The following SORBS2 variants were observed in gnomAD, a reference collection of about 807,000 sequenced individuals.
SORBS2 encodes the protein sorbin and SH3 domain-containing protein 2.
SORBS2 carries 46 observed loss-of-function variants against 97.7 expected under a neutral mutation model. The ratio of observed to expected loss-of-function variants is 0.47; its 90% CI spans 0.37 to 0.60. The LOEUF (loss-of-function observed/expected upper bound fraction) is 0.60. Among genes scored for constraint, SORBS2 ranks in the 20% least tolerant of loss-of-function variants. The pLI, the probability that SORBS2 is intolerant of heterozygous loss-of-function variation, is 0.00. For synonymous variants in SORBS2, 476 were observed against 473.4 expected, an observed-to-expected ratio of 1.01 and a Z score of -0.07; for missense variants, 1,316 against 1,282.3, an observed-to-expected ratio of 1.03 and a Z score of -0.40.
chr4:185,728,637 A>T (rs1195042718), intron 2 of SORBS2, among the ~76,000 whole-genome samples: 1 of 152,210 alleles, frequency 6.6e-6, no homozygotes, highest in African/African-American at 2.4e-5. Context: ...TCATTATTTT[A>T]ATCGGAGTCG....
intron 1 of SORBS2, among the ~76,000 whole-genome samples, chr4:185,804,585 C>T (rs187693220): frequency 9.3e-4 from 142 of 152,100 alleles, no homozygotes; most frequent in African/African-American, 3.3e-3. Flanking sequence ...CTTAAAAGTC[C>T]CTACTTTTTA....
intron 1 of SORBS2, among the ~76,000 whole-genome samples, chr4:185,829,425 A>AT (rs1371605714): frequency 3.9e-5 from 6 of 151,916 alleles, no homozygotes; most frequent in South Asian, 2.1e-4. Context: ...TTTTTTCAGG[A>AT]TTTTTTTTCA....
intron 1 of SORBS2, among the ~76,000 whole-genome samples, chr4:185,826,775 C>CAGA (rs369504060): frequency 7.9e-5 from 12 of 152,298 alleles, no homozygotes; most frequent in African/African-American, 2.6e-4. Flanking sequence ...AAATGGGAAT[C>CAGA]AGAAGACAGG....
chr4:185,845,309 T>C (rs557201620), intron 1 of SORBS2, among the ~76,000 whole-genome samples: 1 of 152,306 alleles, frequency 6.6e-6, no homozygotes, highest in East Asian at 1.9e-4. Flanking sequence ...TGTGAGCCAC[T>C]GTGCCTGGCC....
chr4:185,598,698 C>G (rs2096179276), intron 12 of SORBS2, among the ~76,000 whole-genome samples: 1 of 152,088 alleles, frequency 6.6e-6, no homozygotes, highest in African/African-American at 2.4e-5. Context: ...TATTTGCCCA[C>G]CAGAATTCGA....
At position 185,656,650 on chromosome 4, in the gene SORBS2, C is replaced by T. The variant is rs780618939; in HGVS notation, c.-12G>A. The T allele has an allele frequency of 1.7e-5, 26 of 1,551,110 alleles. No homozygotes were observed. In the African/African-American group the frequency reaches 2.7e-4, roughly 16 times the overall value. ...GTTGTTGCTTTCATCCTGTCCCCGG[C>T]TTCCTTCTCCCGGCTGGCACAAGCC... On this transcript the variant is annotated 5_prime_UTR_variant, in exon 1 of 15. Transcript: ENST00000418609.
At chr4:185,877,942 CA>C (rs869153459) in intron 1 of SORBS2, among the ~76,000 whole-genome samples, 1 of 53,118 alleles carries the variant, frequency 1.9e-5, no homozygotes, top group East Asian at 1.0e-3. Context: ...ACTCTTTACC[CA>C]AAAAAACAAA....
At chr4:185,614,439 T>C (rs967631045) in intron 11 of SORBS2, among the ~76,000 whole-genome samples, 20 of 151,862 alleles carry the variant, frequency 1.3e-4, no homozygotes, top group Admixed American at 1.2e-3. Context: ...GATTCCAAGA[T>C]AGAGGAAGAT....
chr4:185,730,373 G>T (rs2098608131), intron 2 of SORBS2, among the ~76,000 whole-genome samples: 1 of 149,166 alleles, frequency 6.7e-6, no homozygotes, highest in Non-Finnish European at 1.5e-5. Flanking sequence ...TCTGGAGAGT[G>T]GGTTGAAGTT....
intron 1 of SORBS2, among the ~76,000 whole-genome samples, chr4:185,808,175 A>G (rs1216496528): frequency 6.6e-6 from 1 of 152,230 alleles, no homozygotes; most frequent in Non-Finnish European, 1.5e-5. Context: ...ATGATAATTA[A>G]GAATTGCTAT....
At chr4:185,884,503 C>CA (rs2099238389) in intron 1 of SORBS2, among the ~76,000 whole-genome samples, 2 of 152,094 alleles carry the variant, frequency 1.3e-5, no homozygotes, top group Admixed American at 1.3e-4. Context: ...ATAAAGGCTC[C>CA]AAAAAATAAA....
chr4:185,949,453 T>C (rs572094230), intron 1 of SORBS2, among the ~76,000 whole-genome samples: 1 of 152,152 alleles, frequency 6.6e-6, no homozygotes, highest in Non-Finnish European at 1.5e-5. Flanking sequence ...TCCCACTTCA[T>C]TCACATAAAA....
At chr4:185,896,435 T>A (rs1198822949) in intron 1 of SORBS2, among the ~76,000 whole-genome samples, 4 of 152,004 alleles carry the variant, frequency 2.6e-5, no homozygotes, top group Non-Finnish European at 5.9e-5. Flanking sequence ...AATGCAAAAA[T>A]TAGCTGGGTT....
At chr4:185,611,937 T>C in exon 12 of SORBS2, 3 of 1,613,808 alleles carry the variant, frequency 1.9e-6, no homozygotes, top group Non-Finnish European at 2.5e-6. Flanking sequence ...TTTACCTTCA[T>C]ACCAGTTTTG....
chr4:185,911,798 A>G (rs1244772127), intron 1 of SORBS2, among the ~76,000 whole-genome samples: 1 of 152,204 alleles, frequency 6.6e-6, no homozygotes, highest in Admixed American at 6.5e-5. Flanking sequence ...TGCAGAAAAA[A>G]TAGAAGACCT....
upstream of SORBS2, among the ~76,000 whole-genome samples, chr4:185,661,100 C>A (rs574328456): frequency 6.8e-6 from 1 of 147,838 alleles, no homozygotes; most frequent in African/African-American, 2.5e-5. Flanking sequence ...CATGGTGAAA[C>A]CCCCTGTCTG....
chr4:185,704,168 G>A (rs1177146295), intron 2 of SORBS2, among the ~76,000 whole-genome samples: 2 of 152,070 alleles, frequency 1.3e-5, no homozygotes, highest in Non-Finnish European at 2.9e-5. Context: ...TTCTAAATTG[G>A]TATGTCTAAG....
intron 2 of SORBS2, among the ~76,000 whole-genome samples, chr4:185,699,989 CA>C (rs2098237149): frequency 6.6e-6 from 1 of 152,100 alleles, no homozygotes; most frequent in Non-Finnish European, 1.5e-5. Flanking sequence ...ACTGTGTCTG[CA>C]ACATTTTTAT....
chr4:185,639,532 C>A (rs2097092936), intron 4 of SORBS2, among the ~76,000 whole-genome samples: 1 of 152,076 alleles, frequency 6.6e-6, no homozygotes, highest in Admixed American at 6.5e-5. Flanking sequence ...CCAGCAGTGT[C>A]CTTAATATTT....
Sources: allele counts gnomAD v4.1 joint callset (sites outside exome capture counted in the v4.1 genomes callset), GRCh38; gene constraint gnomAD v4.1.1; transcripts MANE v1.5; gene names NCBI Gene and HGNC (gene_info 2026-07-23, HGNC 2026-07-21).